Variants in PHC2 observed in about 807,000 individuals in gnomAD.
PHC2 encodes the protein polyhomeotic homolog 2.
A neutral mutation model predicts 87.4 loss-of-function variants in PHC2; 29 were observed. The observed-to-expected ratio is 0.33, with a 90% CI of 0.25 to 0.45. The LOEUF is 0.45. PHC2 is among the 20% of genes least tolerant of loss of function. The pLI is 1.00. For missense variants in PHC2, 857 were observed against 1,136.7 expected, an observed-to-expected ratio of 0.75 and a Z score of 3.54; for synonymous variants, 438 against 461.7, an observed-to-expected ratio of 0.95 and a Z score of 0.66.
At chr1:33,424,457 C>T (rs1359011129) in intron 1 of PHC2, among the ~76,000 whole-genome samples, 1 of 152,068 alleles carries the variant, frequency 6.6e-6, no homozygotes, top group Non-Finnish European at 1.5e-5. Flanking sequence ...CCCTAGCAAC[C>T]ATATTTACAC....
At chr1:33,357,803 T>G (rs1647120161) in intron 7 of PHC2, among the ~76,000 whole-genome samples, 1 of 152,344 alleles carries the variant, frequency 6.6e-6, no homozygotes, top group African/African-American at 2.4e-5. Flanking sequence ...CAAAATGATC[T>G]GCAAATGTTG....
At position 33,334,098 on chromosome 1, in the gene PHC2, G is replaced by C. The variant is rs779269503; in HGVS notation, c.1753C>G (p.Pro585Ala). ...AAAGAAGTAGTCCGTACCGGGAAAG[G>C]CTCCGCCCCCTCCTGGATCACAAAC... The part of the protein sequence containing the change: ...EGFVIQEGAE[P>A]FPVGRSSLLV... The change falls in exon 10 of 15, where the codon CCT (proline) becomes GCT (alanine). Residue 585 changes from proline (P) to alanine (A), a missense_variant. Transcript: ENST00000683057. This position sits in a 1 kb window ranked among gnomAD's most constrained non-coding sequence, Gnocchi z 5.5. 5 of 1,608,210 alleles carry C rather than the reference G, an allele frequency of 3.1e-6. No homozygotes were observed. Among genetic ancestry groups the C allele is most frequent in the Non-Finnish European group, 4.2e-6 (5 of 1,177,792 alleles).
chr1:33,395,832 A>C (rs1458000865), intron 1 of PHC2, among the ~76,000 whole-genome samples: 1 of 152,190 alleles, frequency 6.6e-6, no homozygotes, highest in African/African-American at 2.4e-5. Context: ...AGGGTCCCTA[A>C]ATCTCCAGAG....
Position 33,359,520 on chromosome 1 carries a change from C to G in PHC2, c.977-4267G>C, listed in dbSNP as rs143977313. ...AAGGGAAGATACACTTTCAACCATT[C>G]ACTCACTCAACAAACAATTTATTAA... On this transcript the variant is annotated intron_variant, in intron 7 of 14. Coordinates refer to ENST00000683057, the MANE Select transcript of PHC2 (RefSeq NM_001385109.1). Among the ~76,000 whole-genome samples the G allele has an allele frequency of 2.1e-3, 315 of 152,298 alleles. 2 individuals are homozygous for G. The highest frequency in any genetic ancestry group is 7.5e-3 in the African/African-American group (311 of 41,556).
intron 1 of PHC2, among the ~76,000 whole-genome samples, chr1:33,407,226 C>G (rs568763167): frequency 1.3e-5 from 2 of 152,150 alleles, no homozygotes; most frequent in Non-Finnish European, 2.9e-5. Context: ...TACAGTCTGT[C>G]TCATGATTGC....
intron 1 of PHC2, among the ~76,000 whole-genome samples, chr1:33,388,813 C>T (rs12083090): frequency 6.6e-6 from 1 of 152,082 alleles, no homozygotes; most frequent in Non-Finnish European, 1.5e-5. Flanking sequence ...GCAGCAGGTT[C>T]TGAGAGGTAA....
At chr1:33,356,253 A>ATATATATATATATATATG (rs1557830892) in intron 7 of PHC2, among the ~76,000 whole-genome samples, 38 of 50,664 alleles carry the variant, frequency 7.5e-4, no homozygotes, top group South Asian at 1.4e-3. Context: ...AAATTCTTAT[A>ATATATATATATATATATG]TATATATATA....
chr1:33,383,891 C>T (rs766499196), intron 1 of PHC2, among the ~76,000 whole-genome samples: 17 of 144,618 alleles, frequency 1.2e-4, no homozygotes, highest in Non-Finnish European at 2.6e-4. Flanking sequence ...TAGGAAGAGG[C>T]GAGGAAGGAC....
In PHC2 at chr1:33,354,533, C is replaced by T. The variant is rs12026290; in HGVS notation, c.1426G>A (p.Val476Met). 357,603 of 1,613,578 alleles carry T rather than the reference C, an allele frequency of 0.22. 41,732 individuals carry two copies. The highest frequency in any genetic ancestry group is 0.27 in the South Asian group (24,765 of 91,048). ...QQCVPDDWKEVAPGEKSVPET... is the reference protein window; with the variant it reads ...QQCVPDDWKEMAPGEKSVPET... ...GGCACACTTTTCTCCCCTGGTGCCA[C>T]TTCTTTCCAGTCATCAGGGACACAC... Residue 476 changes from valine to methionine, a missense_variant, in exon 9 of 15, where the codon GTG becomes ATG. Coordinates refer to ENST00000683057, the MANE Select transcript of PHC2 (RefSeq NM_001385109.1).
chr1:33,419,767 G>A (rs1468588223), intron 1 of PHC2, among the ~76,000 whole-genome samples: 2 of 151,992 alleles, frequency 1.3e-5, no homozygotes, highest in African/African-American at 4.8e-5. Flanking sequence ...CCGCTACCAC[G>A]CCCGGCTAAT....
intron 7 of PHC2, among the ~76,000 whole-genome samples, chr1:33,359,994 G>A (rs1429142900): frequency 6.6e-6 from 1 of 152,200 alleles, no homozygotes; most frequent in Admixed American, 6.5e-5. Flanking sequence ...GGCTTCATGA[G>A]GTAACTAAGG....
chr1:33,362,581 GA>G, intron 7 of PHC2, among the ~76,000 whole-genome samples: 1 of 152,162 alleles, frequency 6.6e-6, no homozygotes, highest in South Asian at 2.1e-4. Flanking sequence ...CTCTGTAAGT[GA>G]AACACAGGGG....
In PHC2 at chr1:33,361,622, C is replaced by T. The variant is rs113851316; in HGVS notation, c.976+5494G>A. ...CCTCCCAAAGGGCTGAGATTACAGG[C>T]GTGAGCCATCGTGCCTGGCCACAGT... On this transcript the variant is annotated intron_variant, in intron 7 of 14. Transcript: ENST00000683057. Among the ~76,000 whole-genome samples the T allele has an allele frequency of 4.7e-3, 711 of 152,306 alleles. 12 individuals carry two copies. The highest frequency in any genetic ancestry group is 0.016 in the African/African-American group (678 of 41,568).
intron 1 of PHC2, among the ~76,000 whole-genome samples, chr1:33,377,945 G>A (rs1002968162): frequency 6.6e-6 from 1 of 152,112 alleles, no homozygotes; most frequent in Non-Finnish European, 1.5e-5. Context: ...AGTTGCTTAT[G>A]ATTTCCAAGG....
At chr1:33,338,719 C>T (rs1646688433) in intron 9 of PHC2, among the ~76,000 whole-genome samples, 1 of 152,240 alleles carries the variant, frequency 6.6e-6, no homozygotes, top group Non-Finnish European at 1.5e-5. Context: ...TGGTTCCTTA[C>T]TCAATTCCCT....
intron 1 of PHC2, among the ~76,000 whole-genome samples, chr1:33,410,422 T>C (rs902597444): frequency 6.6e-6 from 1 of 152,228 alleles, no homozygotes; most frequent in Non-Finnish European, 1.5e-5. Context: ...CAGGTCATGC[T>C]GCTTCTCGAA....
Position 33,349,821 on chromosome 1 carries a change from G to C in PHC2, c.1558+4580C>G, listed in dbSNP as rs1271214011. 8 of 976,566 alleles carry C rather than the reference G, an allele frequency of 8.2e-6. No individual in the cohort carries two copies. The highest frequency in any genetic ancestry group is 9.7e-6 in the Non-Finnish European group (8 of 824,780). The allele number at this position is 976,566 out of a possible 1,614,324, so 60.5% of individuals were successfully genotyped here. ...CGGGACGGGGGCGCGAGGCCGGGGCGGGAGCGCGGGCGGCGGCCGGGGTTG... is the reference window on the plus strand; with the variant it reads ...CGGGACGGGGGCGCGAGGCCGGGGCCGGAGCGCGGGCGGCGGCCGGGGTTG... On this transcript the variant is annotated intron_variant, in intron 9 of 14. Coordinates refer to ENST00000683057, the MANE Select transcript of PHC2 (RefSeq NM_001385109.1). This position sits in a 1 kb window ranked among gnomAD's most constrained non-coding sequence, Gnocchi z 4.2.
At position 33,414,176 on chromosome 1, in the gene PHC2, G is replaced by GTC. The variant is rs1553190145; in HGVS notation, c.-55+16798_-55+16799dup. On this transcript the variant is annotated intron_variant, in intron 1 of 14. Coordinates refer to ENST00000683057, the MANE Select transcript of PHC2 (RefSeq NM_001385109.1). ...GTTTACATATGTATTCTCTCTCTCT[G>GTC]TCACACACACACACACACACACACA... Among the ~76,000 whole-genome samples the GTC allele has an allele frequency of 6.6e-3, 427 of 65,032 alleles. 1 individual carries two copies. Among genetic ancestry groups the GTC allele is most frequent in the South Asian group, 0.037 (65 of 1,736 alleles). 42.7% of individuals were successfully genotyped at this position (65,032 alleles called of 152,430 possible). A position where few individuals can be genotyped will look rare whatever the true frequency, so the allele number is the denominator to read the frequency against.
chr1:33,361,270 T>A lies in PHC2; in HGVS notation c.976+5846A>T, dbSNP rs112241594. ...ATAGTCAGAAGTCATTAACATGATATTGAGTGAGCCCTTACTATAGACTAG... is the reference window on the plus strand; with the variant it reads ...ATAGTCAGAAGTCATTAACATGATAATGAGTGAGCCCTTACTATAGACTAG... On this transcript the variant is annotated intron_variant, in intron 7 of 14. Coordinates refer to ENST00000683057, the MANE Select transcript of PHC2 (RefSeq NM_001385109.1). Among the ~76,000 whole-genome samples, 226 of 152,306 alleles carry A rather than the reference T, an allele frequency of 1.5e-3. 5 individuals are homozygous for A. Among genetic ancestry groups the A allele is most frequent in the African/African-American group, 4.5e-3 (186 of 41,558 alleles).
Sources: allele counts gnomAD v4.1 joint callset (sites outside exome capture counted in the v4.1 genomes callset), GRCh38; gene constraint gnomAD v4.1.1; non-coding constraint Gnocchi (gnomAD v3.1); transcripts MANE v1.5; gene names NCBI Gene and HGNC (gene_info 2026-07-23, HGNC 2026-07-21).